Variants in KIF1A observed in about 807,000 individuals in gnomAD.
KIF1A encodes the protein kinesin-like protein KIF1A.
In KIF1A, 46 loss-of-function variants were observed where a neutral mutation model predicts 227.3. That is an observed-to-expected ratio of 0.20 (90% CI 0.16 to 0.26). The LOEUF is 0.26. Ranked by LOEUF, KIF1A falls within the 10% of genes least tolerant of loss-of-function variation. KIF1A has a pLI of 1.00. For synonymous variants in KIF1A, 1,022 were observed against 1,012.8 expected (o/e 1.01, Z -0.17); for missense variants, 1,683 against 2,485.9 (o/e 0.68, Z 6.87).
rs2051283497 is a variant in KIF1A at position 240,766,937 on chromosome 2, G to T, written c.1662C>A (p.Ser554Arg). 6 of 1,610,868 alleles carry T rather than the reference G, an allele frequency of 3.7e-6. No individual in the cohort carries two copies. Among genetic ancestry groups the T allele is most frequent in the Non-Finnish European group, 5.1e-6 (6 of 1,178,866 alleles). ...FIKEEHCVFR[S>R]DSRGGSEAVV... ...TACCTTCGCTGCCTCCCCTGGAGTC[G>T]CTCCGGAAGACGCAGTGCTCCTCCT... Residue 554 changes from serine to arginine, a missense_variant, in exon 19 of 49, where the codon AGC becomes AGA. Ser to Arg is a moderately radical substitution (Grantham distance 110, BLOSUM62 -1). Coordinates refer to ENST00000498729, the MANE Select transcript of KIF1A (RefSeq NM_001244008.2). The surrounding 1 kb of genome is among the most constrained non-coding windows in gnomAD (Gnocchi z 5.0).
Position 240,814,298 on chromosome 2 carries a change from A to G in KIF1A, c.-61+5824T>C, listed in dbSNP as rs182703388. On this transcript the variant is annotated intron_variant, in intron 1 of 48. Transcript: ENST00000498729. ...GATCCTAAAAGCTTCCAGGGAGAAA[A>G]GACGAGTTGCCAACAAAGCCTGCTC... Among the ~76,000 whole-genome samples, 109 of 152,238 alleles carry G rather than the reference A, an allele frequency of 7.2e-4. 1 individual carries two copies. The highest frequency in any genetic ancestry group is 2.5e-3 in the African/African-American group (103 of 41,530).
intron 1 of KIF1A, among the ~76,000 whole-genome samples, chr2:240,799,111 C>T (rs1028752983): frequency 6.6e-6 from 1 of 152,248 alleles, no homozygotes; most frequent in Non-Finnish European, 1.5e-5. Context: ...CCCCTCTGGG[C>T]TGCCCCTGGA....
chr2:240,763,128 G>A lies in KIF1A; in HGVS notation c.1950-37C>T, dbSNP rs761469544. The A allele has an allele frequency of 4.1e-5, 66 of 1,602,566 alleles. No homozygotes were observed. The South Asian group carries it at 6.5e-4, about 16-fold the overall frequency. On this transcript the variant is annotated intron_variant, in intron 21 of 48. Transcript: ENST00000498729. ...CATTGGGGTGAGCACGGGAGGGCAG[G>A]AGGGGCAGCAGGCAGTTGGGGGTGG...
chr2:240,771,325 C>A, intron 14 of KIF1A: 1 of 626,524 alleles, frequency 1.6e-6, no homozygotes, highest in Non-Finnish European at 2.8e-6. Context: ...AGGCCCAGGA[C>A]AAGCGCATGC....
At chr2:240,781,880 T>C in intron 10 of KIF1A, 2 of 985,388 alleles carry the variant, frequency 2.0e-6, no homozygotes, top group Non-Finnish European at 2.4e-6. Context: ...CCACGTGTTC[T>C]TAGTCTCTTG....
intron 1 of KIF1A, among the ~76,000 whole-genome samples, chr2:240,806,406 G>A (rs189600976): frequency 6.6e-6 from 1 of 152,316 alleles, no homozygotes; most frequent in Admixed American, 6.5e-5. Flanking sequence ...ACAAGGTAAG[G>A]AGACATCTGT....
At chr2:240,745,122 C>A (rs2048431673) in intron 32 of KIF1A, among the ~76,000 whole-genome samples, 1 of 152,082 alleles carries the variant, frequency 6.6e-6, no homozygotes. Flanking sequence ...TGGCTGAGCA[C>A]CCCCGGCCCT....
chr2:240,757,753 G>A lies in KIF1A; in HGVS notation c.2583-159C>T, dbSNP rs1258752719. Among the ~76,000 whole-genome samples, 1 of 152,040 alleles carries A rather than the reference G, an allele frequency of 6.6e-6. No homozygotes were observed. Among genetic ancestry groups the A allele is most frequent in the Non-Finnish European group, 1.5e-5 (1 of 68,004 alleles). ...TAAAAGATGAGAGAACCAAAACTGT[G>A]CCCCCAGGCTTGGAAAGAAATCACA... On this transcript the variant is annotated intron_variant, in intron 26 of 48. Transcript: ENST00000498729. This position sits in a 1 kb window ranked among gnomAD's most constrained non-coding sequence, Gnocchi z 6.2.
chr2:240,760,412 T>C (rs1028378619), intron 25 of KIF1A, among the ~76,000 whole-genome samples: 3 of 152,292 alleles, frequency 2.0e-5, no homozygotes, highest in Non-Finnish European at 4.4e-5. Context: ...TCCCCTCATC[T>C]GTCCTTTCCT....
At chr2:240,756,346 C>T (rs376566826) in intron 27 of KIF1A, among the ~76,000 whole-genome samples, 1 of 152,212 alleles carries the variant, frequency 6.6e-6, no homozygotes, top group South Asian at 2.1e-4. Context: ...CGTGAGCTGA[C>T]CTTCTGACTA....
chr2:240,762,076 G>A (rs567710074), intron 23 of KIF1A, among the ~76,000 whole-genome samples: 27 of 152,348 alleles, frequency 1.8e-4, no homozygotes, highest in South Asian at 1.4e-3. Context: ...AATCTGGCAC[G>A]CCTGAGCTTT....
At position 240,770,897 on chromosome 2, in the gene KIF1A, G is replaced by A. The variant is rs1023662013; in HGVS notation, c.1341+74C>T. On this transcript the variant is annotated intron_variant, in intron 15 of 48. Transcript: ENST00000498729. ...AGGATGGGCTGTACCCAGGAGGGCA[G>A]GGTGCCTCTCTAACTCCTCCGAGCT... The A allele has an allele frequency of 7.7e-6, 12 of 1,549,176 alleles. No homozygotes were observed. The African/African-American group carries it at 1.1e-4, about 14-fold the overall frequency.
At chr2:240,763,753 G>T in intron 20 of KIF1A, among the ~76,000 whole-genome samples, 1 of 152,192 alleles carries the variant, frequency 6.6e-6, no homozygotes, top group Non-Finnish European at 1.5e-5. Flanking sequence ...GAGCACTGCT[G>T]CAGGGCACAG....
chr2:240,814,225 C>T (rs2058159956), intron 1 of KIF1A, among the ~76,000 whole-genome samples: 1 of 152,018 alleles, frequency 6.6e-6, no homozygotes, highest in African/African-American at 2.4e-5. Context: ...ATGCGAACCC[C>T]ATCCTTACAC....
intron 38 of KIF1A, among the ~76,000 whole-genome samples, chr2:240,733,567 G>A (rs552769312): frequency 6.6e-6 from 1 of 152,284 alleles, no homozygotes; most frequent in East Asian, 1.9e-4. Flanking sequence ...ATGCCAATGG[G>A]GACTCTGGCC....
In KIF1A at chr2:240,793,516, C is replaced by T. The variant is rs1432784830; in HGVS notation, c.106+4131G>A. Among the ~76,000 whole-genome samples, 1 of 152,074 alleles carries T rather than the reference C, an allele frequency of 6.6e-6. No individual in the cohort carries two copies. Among genetic ancestry groups the T allele is most frequent in the East Asian group, 1.9e-4 (1 of 5,154 alleles). On this transcript the variant is annotated intron_variant, in intron 2 of 48. Coordinates refer to ENST00000498729, the MANE Select transcript of KIF1A (RefSeq NM_001244008.2). The surrounding 1 kb of genome is among the most constrained non-coding windows in gnomAD (Gnocchi z 4.8). Reference sequence around the variant, plus strand: ...CAGAATGGCTGGGCAGGCTCAGGGCCCTCACGTCCTCCGGTCCTCAGGGCA... The same window carrying T: ...CAGAATGGCTGGGCAGGCTCAGGGCTCTCACGTCCTCCGGTCCTCAGGGCA...
chr2:240,787,847 C>G (rs868628209), intron 4 of KIF1A, among the ~76,000 whole-genome samples: 1 of 152,184 alleles, frequency 6.6e-6, no homozygotes, highest in Non-Finnish European at 1.5e-5. Flanking sequence ...AGGGCCCTTC[C>G]TGCACCTGGG....
chr2:240,807,569 A>G (rs1023019649), intron 1 of KIF1A, among the ~76,000 whole-genome samples: 2 of 152,268 alleles, frequency 1.3e-5, no homozygotes, highest in African/African-American at 4.8e-5. Flanking sequence ...AAACATTTGT[A>G]CATGTTCAGT....
chr2:240,817,085 C>G (rs1227082045), intron 1 of KIF1A, among the ~76,000 whole-genome samples: 1 of 152,234 alleles, frequency 6.6e-6, no homozygotes, highest in Non-Finnish European at 1.5e-5. Context: ...AGGTGCCATG[C>G]CAAAGGACTG....
Sources: gnomAD v4.1 joint callset for allele counts (sites outside exome capture counted in the v4.1 genomes callset) on GRCh38, gnomAD v4.1.1 for gene constraint, Gnocchi (gnomAD v3.1) non-coding constraint, MANE v1.5 for transcripts, NCBI Gene and HGNC (gene_info 2026-07-23, HGNC 2026-07-21) for gene names.